UGT1A8: variants seen among roughly 807,000 people sequenced by gnomAD.
The protein encoded by UGT1A8 is UDP glucuronosyltransferase family 1 member A8.
In UGT1A8, 39 loss-of-function variants were observed where a neutral mutation model predicts 45.3. The ratio of observed to expected loss-of-function variants is 0.86; its 90% CI spans 0.67 to 1.12. The LOEUF is 1.12. Among genes scored for constraint, UGT1A8 ranks in the 50% most tolerant of loss-of-function variants. The pLI is 0.00. For synonymous variants in UGT1A8, 275 were observed against 249.2 expected (o/e 1.10, Z -0.97); for missense variants, 719 against 664.9 (o/e 1.08, Z -0.90).
Position 233,725,264 on chromosome 2 carries a change from GGAGGCAGAGGCA to G in UGT1A8, c.856-41728_856-41717del, listed in dbSNP as rs551912265. Among the ~76,000 whole-genome samples, 306 of 58,542 alleles carry G rather than the reference GGAGGCAGAGGCA, an allele frequency of 5.2e-3. 76 individuals are homozygous for G. The highest frequency in any genetic ancestry group is 9.6e-3 in the African/African-American group (73 of 7,632). 38.4% of individuals were successfully genotyped at this position (58,542 alleles called of 152,430 possible). ...CAGAGGCAGAGGAGGCAGAGGCAGA[GGAGGCAGAGGCA>G]GAGGCAGAGGCAGAGGCAGAGGCAG... On this transcript the variant is annotated intron_variant, in intron 1 of 4. Coordinates refer to ENST00000373450, the MANE Select transcript of UGT1A8 (RefSeq NM_019076.5).
intron 1 of UGT1A8, among the ~76,000 whole-genome samples, chr2:233,696,130 A>G (rs1401105954): frequency 6.6e-6 from 1 of 152,228 alleles, no homozygotes; most frequent in Non-Finnish European, 1.5e-5. Context: ...AACTGCCCCA[A>G]TATATCCCAT....
In UGT1A8 at chr2:233,630,717, C is replaced by A. The variant is rs186459582; in HGVS notation, c.855+12155C>A. Among the ~76,000 whole-genome samples the A allele has an allele frequency of 5.9e-5, 9 of 151,462 alleles. No individual in the cohort carries two copies. In the East Asian group the frequency reaches 1.8e-3, roughly 30 times the overall value. On this transcript the variant is annotated intron_variant, in intron 1 of 4. Transcript: ENST00000373450. ...AGAGAGACAGGGGAGATGGCACATA[C>A]TTTTTTATTTTAATTTTTATTTTTA...
intron 1 of UGT1A8, among the ~76,000 whole-genome samples, chr2:233,687,899 C>T (rs2125538579): frequency 6.6e-6 from 1 of 152,174 alleles, no homozygotes; most frequent in Middle Eastern, 3.4e-3. Flanking sequence ...TAGACTAAGA[C>T]CTTGTCTCAA....
chr2:233,719,292 G>C (rs146073833), intron 1 of UGT1A8: 1 of 1,613,496 alleles, frequency 6.2e-7, no homozygotes, highest in South Asian at 1.1e-5. Flanking sequence ...TAACCTCTGT[G>C]GGGCGGTGCT....
intron 1 of UGT1A8, among the ~76,000 whole-genome samples, chr2:233,737,902 TA>T (rs1468589686): frequency 1.3e-5 from 2 of 152,134 alleles, no homozygotes; most frequent in Non-Finnish European, 2.9e-5. Context: ...TCGAGTGTGG[TA>T]AAGAACAGGC....
intron 1 of UGT1A8, among the ~76,000 whole-genome samples, chr2:233,655,000 A>T (rs17868316): frequency 0.012 from 1,880 of 152,292 alleles, 16 homozygotes; most frequent in Admixed American, 0.02. Context: ...GAGGCAGAAG[A>T]ATCACTTGAA....
In UGT1A8 at chr2:233,637,048, C is replaced by T. The variant is rs568495269; in HGVS notation, c.855+18486C>T. 23 of 1,613,820 alleles carry T rather than the reference C, an allele frequency of 1.4e-5. No individual in the cohort carries two copies. The highest frequency in any genetic ancestry group is 9.9e-5 in the South Asian group (9 of 91,082). ...CTTCACCAGGGGAATATTTTGCCAC[C>T]ATCTTGAAGAAGGTGCACAGTGCCC... On this transcript the variant is annotated intron_variant, in intron 1 of 4. Transcript: ENST00000373450.
At chr2:233,648,916 T>A in intron 1 of UGT1A8, 1 of 1,359,568 alleles carries the variant, frequency 7.4e-7, no homozygotes, top group Non-Finnish European at 1.0e-6. Flanking sequence ...CAGCCACACA[T>A]CAATTTGGTT....
rs1481522586 is a variant in UGT1A8, at chr2:233,618,179, G to T, written c.472G>T (p.Ala158Ser). 3.7e-6 allele frequency: 6 copies of T among 1,613,832 alleles called. No homozygotes were observed. The African/African-American group carries it at 8.0e-5, about 22-fold the overall frequency. The change falls in exon 1 of 5, where the codon GCC becomes TCC. Residue 158 changes from alanine to serine, a missense_variant. Transcript: ENST00000373450. ...DPFDACGLIVAKYFSLPSVVF... is the reference protein window; with the variant it reads ...DPFDACGLIVSKYFSLPSVVF... ...TTTTGATGCCTGTGGCTTAATTGTTGCCAAATATTTCTCCCTCCCCTCTGT... is the reference window on the plus strand; with the variant it reads ...TTTTGATGCCTGTGGCTTAATTGTTTCCAAATATTTCTCCCTCCCCTCTGT...
chr2:233,724,212 T>C (rs2077189500), intron 1 of UGT1A8, among the ~76,000 whole-genome samples: 1 of 120,802 alleles, frequency 8.3e-6, no homozygotes. Context: ...GCTGAGGGGC[T>C]CCTCACTTCC....
In UGT1A8 at chr2:233,739,254, G is replaced by T. The variant is rs1485037127; in HGVS notation, c.856-27780G>T. Among the ~76,000 whole-genome samples, 4 of 152,216 alleles carry T rather than the reference G, an allele frequency of 2.6e-5. No homozygotes were observed. In the East Asian group the frequency reaches 7.7e-4, roughly 29 times the overall value. ...ACCTCTGCTAGAGAAGGGTGGTAAA[G>T]AAATGTGAGGTTGGAGCCCCCACAC... On this transcript the variant is annotated intron_variant, in intron 1 of 4. Transcript: ENST00000373450.
chr2:233,618,162 C>A lies in UGT1A8; in HGVS notation c.455C>A (p.Ala152Asp), dbSNP rs184875019. 3.1e-6 allele frequency: 5 copies of A among 1,613,946 alleles called. No homozygotes were observed. The highest frequency in any genetic ancestry group is 3.3e-5 in the Admixed American group (2 of 59,986). The change falls in exon 1 of 5, where the codon GCC becomes GAC. Residue 152 changes from alanine to aspartate, a missense_variant. Coordinates refer to ENST00000373450, the MANE Select transcript of UGT1A8 (RefSeq NM_019076.5). ...GCGGTGTTTCTTGATCCTTTTGATG[C>A]CTGTGGCTTAATTGTTGCCAAATAT... Reference protein sequence around the residue: ...FDAVFLDPFDACGLIVAKYFS... With the variant: ...FDAVFLDPFDDCGLIVAKYFS...
At chr2:233,709,981 A>G (rs770684245) in intron 1 of UGT1A8, among the ~76,000 whole-genome samples, 8 of 152,180 alleles carry the variant, frequency 5.3e-5, no homozygotes, top group Non-Finnish European at 1.2e-4. Flanking sequence ...CTAGAGTTTC[A>G]TCTGAATGGA....
At chr2:233,645,556 A>C (rs562047121) in intron 1 of UGT1A8, among the ~76,000 whole-genome samples, 2 of 152,326 alleles carry the variant, frequency 1.3e-5, no homozygotes, top group African/African-American at 4.8e-5. Context: ...GGGTAAATAC[A>C]CCATTCCAAC....
intron 1 of UGT1A8, chr2:233,647,988 G>A: frequency 1.2e-6 from 2 of 1,607,944 alleles, no homozygotes; most frequent in East Asian, 2.2e-5. Context: ...TCATTCTCAG[G>A]GGGCATGAGG....
rs923710321 is a variant in UGT1A8 at position 233,631,141 on chromosome 2, T to G, written c.855+12579T>G. On this transcript the variant is annotated intron_variant, in intron 1 of 4. Coordinates refer to ENST00000373450, the MANE Select transcript of UGT1A8 (RefSeq NM_019076.5). ...TTGCTAAGAATGATAGTTTCCAGCTTCATCCATGTCCCTGCAAAAGACATG... is the reference window on the plus strand; with the variant it reads ...TTGCTAAGAATGATAGTTTCCAGCTGCATCCATGTCCCTGCAAAAGACATG... Among the ~76,000 whole-genome samples, 12 of 152,260 alleles carry G rather than the reference T, an allele frequency of 7.9e-5. No homozygotes were observed. The East Asian group carries it at 1.7e-3, about 22-fold the overall frequency.
At chr2:233,757,533 GGAA>G in intron 1 of UGT1A8, among the ~76,000 whole-genome samples, 1 of 52,410 alleles carries the variant, frequency 1.9e-5, no homozygotes, top group African/African-American at 1.3e-4. Context: ...TTGCCTGTAA[GGAA>G]TATATATATA....
chr2:233,657,470 G>T (rs1308749406), intron 1 of UGT1A8, among the ~76,000 whole-genome samples: 1 of 152,178 alleles, frequency 6.6e-6, no homozygotes, highest in Admixed American at 6.5e-5. Flanking sequence ...AGGAGGGGTT[G>T]CCAGGATCTT....
At chr2:233,626,002 G>A (rs1597941) in intron 1 of UGT1A8, among the ~76,000 whole-genome samples, 32,791 of 151,918 alleles carry the variant, frequency 0.22, 4,434 homozygotes, top group East Asian at 0.51. Flanking sequence ...CCATTGAGTG[G>A]GCTGTGGAGG....
Sources: allele counts gnomAD v4.1 joint callset (sites outside exome capture counted in the v4.1 genomes callset), GRCh38; gene constraint gnomAD v4.1.1; transcripts MANE v1.5; gene names NCBI Gene and HGNC (gene_info 2026-07-23, HGNC 2026-07-21).